The following PLCB4 variants were observed in gnomAD, a reference collection of about 807,000 sequenced individuals.
PLCB4 encodes the protein 1-phosphatidylinositol 4,5-bisphosphate phosphodiesterase beta-4.
Under a neutral mutation model 178.8 loss-of-function variants are expected in PLCB4, and 77 were observed. The observed-to-expected ratio is 0.43, with a 90% confidence interval of 0.36 to 0.52. The LOEUF (loss-of-function observed/expected upper bound fraction) is 0.52, where lower values mean the gene tolerates loss of function less well. Among genes scored for constraint, PLCB4 ranks in the 20% least tolerant of loss-of-function variants. The pLI is 0.00. For synonymous variants in PLCB4, 496 were observed against 490.8 expected, an observed-to-expected ratio of 1.01 and a Z score of -0.14; for missense variants, 1,024 against 1,453.4, an observed-to-expected ratio of 0.70 and a Z score of 4.80.
rs73607802 is a variant in PLCB4 at position 9,073,922 on chromosome 20, A to G, written c.-135+4716A>G. ...ATAAAATGAAAATATCCTGCTGAAA[A>G]GGGTCTTTAAGATTTACCATATTGC... On this transcript the variant is annotated intron_variant, in intron 1 of 39. Transcript: ENST00000378473. Among the ~76,000 whole-genome samples the G allele has an allele frequency of 4.1e-3, 628 of 152,174 alleles. 3 individuals are homozygous for G. The highest frequency in any genetic ancestry group is 0.014 in the African/African-American group (567 of 41,504).
intron 2 of PLCB4, among the ~76,000 whole-genome samples, chr20:9,103,666 T>A (rs1465407174): frequency 6.6e-6 from 1 of 152,160 alleles, no homozygotes; most frequent in Non-Finnish European, 1.5e-5. Context: ...TGAGAGTGAT[T>A]GGTCTACGTT....
At chr20:9,314,317 G>A (rs755122956) in intron 4 of PLCB4, among the ~76,000 whole-genome samples, 4 of 152,206 alleles carry the variant, frequency 2.6e-5, no homozygotes, top group African/African-American at 4.8e-5. Context: ...TGGATTCCTT[G>A]TGGGAGTGGT....
At chr20:9,426,164 A>T (rs1390999589) in intron 28 of PLCB4, among the ~76,000 whole-genome samples, 6 of 152,140 alleles carry the variant, frequency 3.9e-5, no homozygotes, top group Admixed American at 3.9e-4. Context: ...ATCAATATAC[A>T]TCATTAGATT....
At chr20:9,247,259 G>A (rs2094135250) in intron 3 of PLCB4, among the ~76,000 whole-genome samples, 1 of 152,156 alleles carries the variant, frequency 6.6e-6, no homozygotes, top group African/African-American at 2.4e-5. Flanking sequence ...TGAATTACCT[G>A]AATTCTGTAG....
rs974516130 is a variant in PLCB4 at position 9,096,341 on chromosome 20, A to T, written c.-80A>T. ...CCTGAAAATGTGATCTCCCTTAAAA[A>T]GGTAGGTGTATGTGCTTTTTAATTT... On this transcript the variant is annotated splice_region_variant and 5_prime_UTR_variant, in exon 2 of 40. It adds an upstream start codon to the 5' untranslated region. Transcript: ENST00000378473. 23 of 152,182 alleles carry T rather than the reference A, an allele frequency of 1.5e-4. 1 individual carries two copies. The highest frequency in any genetic ancestry group is 3.1e-4 in the Non-Finnish European group (21 of 68,030). The allele number at this position is 152,182 out of a possible 1,614,324, so 9.4% of individuals were successfully genotyped here. A position where few individuals can be genotyped will look rare whatever the true frequency, so the allele number is the denominator to read the frequency against.
chr20:9,243,418 G>A (rs2094088754), intron 3 of PLCB4, among the ~76,000 whole-genome samples: 1 of 152,188 alleles, frequency 6.6e-6, no homozygotes, highest in Non-Finnish European at 1.5e-5. Flanking sequence ...TGGGGGTTCT[G>A]AATGATTCTG....
At chr20:9,222,283 G>A (rs1292602381) in intron 3 of PLCB4, among the ~76,000 whole-genome samples, 2 of 151,692 alleles carry the variant, frequency 1.3e-5, no homozygotes, top group African/African-American at 4.8e-5. Flanking sequence ...TGTAGAGATG[G>A]GGTCTAGCTA....
intron 2 of PLCB4, among the ~76,000 whole-genome samples, chr20:9,144,689 GA>G: frequency 9.7e-6 from 1 of 102,920 alleles, no homozygotes; most frequent in African/African-American, 3.9e-5. Flanking sequence ...GAAGGAGGGG[GA>G]GGAGGGGAAG....
At chr20:9,368,373 A>G (rs931232301) in intron 9 of PLCB4, among the ~76,000 whole-genome samples, 7 of 152,204 alleles carry the variant, frequency 4.6e-5, no homozygotes, top group African/African-American at 1.7e-4. Context: ...CTCAGACCAA[A>G]GTTTTGGAAA....
chr20:9,214,331 C>T (rs1414759235), intron 2 of PLCB4, among the ~76,000 whole-genome samples: 2 of 152,210 alleles, frequency 1.3e-5, no homozygotes, highest in South Asian at 2.1e-4. Flanking sequence ...CATTCGTTTG[C>T]GTGTGAGATA....
chr20:9,163,511 G>T (rs2092921707), intron 2 of PLCB4, among the ~76,000 whole-genome samples: 1 of 151,224 alleles, frequency 6.6e-6, no homozygotes, highest in South Asian at 2.1e-4. Context: ...TTGATGTTTT[G>T]TTTCGTAGAT....
intron 3 of PLCB4, among the ~76,000 whole-genome samples, chr20:9,296,010 A>T (rs970189033): frequency 6.6e-6 from 1 of 152,192 alleles, no homozygotes; most frequent in Non-Finnish European, 1.5e-5. Context: ...GACAAATGGG[A>T]TCTAATTAAA....
At chr20:9,368,569 A>C (rs2035973331) in intron 9 of PLCB4, among the ~76,000 whole-genome samples, 1 of 152,130 alleles carries the variant, frequency 6.6e-6, no homozygotes, top group African/African-American at 2.4e-5. Flanking sequence ...ATCCCTATAT[A>C]ATCAGCCCAA....
In PLCB4 at chr20:9,459,681, T is replaced by C. The variant is rs530143044; in HGVS notation, c.3119T>C (p.Ile1040Thr). Residue 1040 changes from isoleucine (I) to threonine (T), a missense_variant, in exon 35 of 40, where the codon ATC becomes ACC. Ile to Thr is a moderately conservative substitution (Grantham distance 89, BLOSUM62 -1). Transcript: ENST00000378473. ...CACACAAAGGAATGGTCAGAAATGA[T>C]CAATACCCACAGTGCTGAGGAGCAA... ...AQHTKEWSEM[I>T]NTHSAEEQEI... 1.2e-6 allele frequency: 2 copies of C among 1,613,270 alleles called. No homozygotes were observed. The highest frequency in any genetic ancestry group is 4.5e-5 in the East Asian group (2 of 44,812).
At chr20:9,370,777 C>T (rs554461183) in intron 9 of PLCB4, among the ~76,000 whole-genome samples, 120 of 151,810 alleles carry the variant, frequency 7.9e-4, no homozygotes, top group Non-Finnish European at 1.4e-3. Context: ...GGTGTGGTGG[C>T]GTGCACCTGT....
At chr20:9,268,386 T>G (rs2094369916) in intron 3 of PLCB4, among the ~76,000 whole-genome samples, 1 of 152,208 alleles carries the variant, frequency 6.6e-6, no homozygotes, top group Non-Finnish European at 1.5e-5. Context: ...GATATCCCAT[T>G]ATTCCAAACA....
intron 2 of PLCB4, among the ~76,000 whole-genome samples, chr20:9,164,008 TAAAAG>T (rs1212256345): frequency 6.6e-6 from 1 of 152,210 alleles, no homozygotes; most frequent in East Asian, 1.9e-4. Flanking sequence ...TAGGCAAACT[TAAAAG>T]TAAGCAGTGG....
intron 25 of PLCB4, among the ~76,000 whole-genome samples, chr20:9,413,855 G>A (rs531126248): frequency 2.6e-4 from 40 of 152,136 alleles, no homozygotes; most frequent in African/African-American, 9.6e-4. Context: ...TGACATCCTG[G>A]GCTCAATCCA....
At chr20:9,085,572 T>A (rs1023800196) in intron 1 of PLCB4, among the ~76,000 whole-genome samples, 1 of 152,208 alleles carries the variant, frequency 6.6e-6, no homozygotes, top group Non-Finnish European at 1.5e-5. Flanking sequence ...AGCAATGCAT[T>A]TTTTAACATT....
Sources: allele counts gnomAD v4.1 joint callset (sites outside exome capture counted in the v4.1 genomes callset), GRCh38; gene constraint gnomAD v4.1.1; transcripts MANE v1.5; gene names NCBI Gene and HGNC (gene_info 2026-07-23, HGNC 2026-07-21).